SLC30A5: variants seen among roughly 807,000 people sequenced by gnomAD.
SLC30A5 encodes the protein solute carrier family 30 member 5.
SLC30A5 carries 33 observed loss-of-function variants against 79.6 expected under a neutral mutation model. The ratio of observed to expected loss-of-function variants is 0.41; its 90% CI spans 0.31 to 0.55. The LOEUF (loss-of-function observed/expected upper bound fraction) is 0.55. Ranked by LOEUF, SLC30A5 falls within the 20% of genes least tolerant of loss-of-function variation. The pLI is 0.20. For missense variants in SLC30A5, 788 were observed against 928.1 expected, an observed-to-expected ratio of 0.85 and a Z score of 1.96; for synonymous variants, 299 against 319.7, an observed-to-expected ratio of 0.94 and a Z score of 0.69.
chr5:69,102,532 T>C (rs1745957381), intron 2 of SLC30A5: 1 of 152,206 alleles, frequency 6.6e-6, no homozygotes, highest in Non-Finnish European at 1.5e-5. Context: ...TTTATTTTTG[T>C]GGCTTGTTAG....
chr5:69,113,951 T>C (rs866627605), intron 6 of SLC30A5, among the ~76,000 whole-genome samples: 6 of 152,230 alleles, frequency 3.9e-5, no homozygotes, highest in African/African-American at 1.4e-4. Context: ...CCTCTTTTGC[T>C]TGCCACTTAA....
Position 69,124,734 on chromosome 5 carries a change from C to T in SLC30A5, c.1998+1309C>T, listed in dbSNP as rs115030082. On this transcript the variant is annotated intron_variant, in intron 14 of 15. Transcript: ENST00000396591. ...GGGATTACAGGCCTACCACACCCAG[C>T]TAATTTTTGTATTTTAGTAGAGATG... Among the ~76,000 whole-genome samples the T allele has an allele frequency of 3.3e-3, 505 of 152,256 alleles. 3 individuals carry two copies. Among genetic ancestry groups the T allele is most frequent in the African/African-American group, 0.012 (493 of 41,548 alleles).
chr5:69,108,541 G>A (rs1746146368), intron 5 of SLC30A5, 105 bp downstream of exon 5: 2 of 915,188 alleles, frequency 2.2e-6, no homozygotes. Flanking sequence ...AATGCAGGAG[G>A]CTGAGCGCGA....
chr5:69,101,268 T>C (rs1450081076), intron 2 of SLC30A5, among the ~76,000 whole-genome samples: 8 of 152,110 alleles, frequency 5.3e-5, no homozygotes, highest in African/African-American at 1.9e-4. Flanking sequence ...ATTCTACTTA[T>C]ACGAAATGCT....
At chr5:69,101,011 T>C (rs571183387) in intron 2 of SLC30A5, 82 bp downstream of exon 2, 2 of 1,335,028 alleles carry the variant, frequency 1.5e-6, no homozygotes, top group Non-Finnish European at 2.0e-6. Flanking sequence ...TAAGAAACTT[T>C]ACATACAATA....
intron 1 of SLC30A5, among the ~76,000 whole-genome samples, chr5:69,098,045 G>A (rs990436480): frequency 2.6e-5 from 4 of 151,728 alleles, no homozygotes; most frequent in Non-Finnish European, 5.9e-5. Flanking sequence ...ACGGGGTCTC[G>A]CTGTATTGCC....
chr5:69,094,434 C>G, intron 1 of SLC30A5, 96 bp downstream of exon 1: 2 of 1,209,170 alleles, frequency 1.7e-6, no homozygotes, highest in African/African-American at 1.6e-5. Context: ...CCGGGACGTC[C>G]CGGGGTCGGC....
At chr5:69,114,372 C>A in intron 6 of SLC30A5, 48 bp from the exon 7 acceptor site, 3 of 1,123,206 alleles carry the variant, frequency 2.7e-6, no homozygotes, top group South Asian at 1.2e-5. Context: ...CTTCAGGTGT[C>A]AAAGAGTGAC....
At position 69,130,173 on chromosome 5, in the gene SLC30A5, AG is replaced by A. The variant is rs1361543210; in HGVS notation, c.*557del. 3.9e-5 allele frequency: 6 copies of A among 152,198 alleles called. No individual in the cohort carries two copies. The highest frequency in any genetic ancestry group is 1.2e-4 in the African/African-American group (5 of 41,462). The allele number at this position is 152,198 out of a possible 1,614,324, so 9.4% of individuals were successfully genotyped here. On this transcript the variant is annotated 3_prime_UTR_variant, in exon 16 of 16. Transcript: ENST00000396591. ...AAACTTCAACCACTGATATGAGATA[AG>A]CAATGAGAATAGGGAAGTGTATAAC... is the stretch of plus-strand genomic sequence containing the variant.
chr5:69,126,407 A>C (rs1028484100), intron 14 of SLC30A5, among the ~76,000 whole-genome samples: 7 of 152,098 alleles, frequency 4.6e-5, no homozygotes, highest in Non-Finnish European at 1.5e-5. Flanking sequence ...TTCCAAAGTG[A>C]GGGATTATGG....
At chr5:69,119,089 C>T (rs1746467417) in intron 12 of SLC30A5, among the ~76,000 whole-genome samples, 1 of 152,214 alleles carries the variant, frequency 6.6e-6, no homozygotes, top group African/African-American at 2.4e-5. Context: ...GCATGAGCCA[C>T]TGTGCCCGGC....
chr5:69,128,509 T>C (rs1746765604), intron 15 of SLC30A5, among the ~76,000 whole-genome samples: 1 of 152,078 alleles, frequency 6.6e-6, no homozygotes, highest in African/African-American at 2.4e-5. Context: ...GTGATCCGCC[T>C]GCCTCGACCT....
intron 12 of SLC30A5, among the ~76,000 whole-genome samples, chr5:69,119,317 G>A (rs180968701): frequency 2.5e-3 from 384 of 150,944 alleles, no homozygotes; most frequent in African/African-American, 9.0e-3. Flanking sequence ...CTGCCACCAC[G>A]CCTGCCTAAT....
intron 4 of SLC30A5, among the ~76,000 whole-genome samples, chr5:69,105,481 G>C (rs986178114): frequency 3.3e-5 from 5 of 152,108 alleles, no homozygotes; most frequent in African/African-American, 1.2e-4. Flanking sequence ...GCCAAGGGGT[G>C]GATCATTTGA....
Position 69,120,389 on chromosome 5 carries a change from GAAA to G in SLC30A5, c.1570-1295_1570-1293del, listed in dbSNP as rs34836340. 8.4e-4 allele frequency among the ~76,000 whole-genome samples: 124 copies of G among 146,750 alleles called. No individual in the cohort carries two copies. The Middle Eastern group carries it at 0.014, about 16-fold the overall frequency. ...ACAGAGCAAAACTCTGTCTCAAAAT[GAAA>G]AAAAAAAAATTGTAAAATAGTATTA... On this transcript the variant is annotated intron_variant, in intron 12 of 15. Coordinates refer to ENST00000396591, the MANE Select transcript of SLC30A5 (RefSeq NM_022902.5).
intron 8 of SLC30A5, 126 bp from the exon 9 acceptor site, chr5:69,115,800 G>A (rs1182868289): frequency 7.4e-6 from 6 of 811,910 alleles, no homozygotes; most frequent in East Asian, 2.6e-5. Flanking sequence ...GCTTTTATAT[G>A]TTGGCATATT....
chr5:69,108,328 GATA>G lies in SLC30A5; in HGVS notation c.360-18_360-16del, dbSNP rs756978594. On this transcript the variant is annotated intron_variant, in intron 4 of 15. Coordinates refer to ENST00000396591, the MANE Select transcript of SLC30A5 (RefSeq NM_022902.5). The stretch of plus-strand genomic sequence containing the variant: ...TAAAGATAAATTACATTTCATAAAT[GATA>G]ATGTTTTATTTTTGTAGGACTTTGC... 1.3e-6 allele frequency: 2 copies of G among 1,544,812 alleles called. No homozygotes were observed. Among genetic ancestry groups the G allele is most frequent in the South Asian group, 1.1e-5 (1 of 89,316 alleles).
At chr5:69,108,225 T>C (rs535275494) in intron 4 of SLC30A5, 124 bp from the exon 5 acceptor site, 1 of 722,466 alleles carries the variant, frequency 1.4e-6, no homozygotes, top group South Asian at 1.8e-5. Flanking sequence ...GTTGTACCTA[T>C]TTATTTTTCT....
At chr5:69,112,976 C>T in intron 5 of SLC30A5, 164 bp from the exon 6 acceptor site, 1 of 596,074 alleles carries the variant, frequency 1.7e-6, no homozygotes, top group Non-Finnish European at 3.0e-6. Context: ...ATACTGTAAG[C>T]TTATAATATG....
Sources: gnomAD v4.1 joint callset for allele counts (sites outside exome capture counted in the v4.1 genomes callset) on GRCh38, gnomAD v4.1.1 for gene constraint, MANE v1.5 for transcripts, NCBI Gene and HGNC (gene_info 2026-07-23, HGNC 2026-07-21) for gene names.